The following STRBP variants were observed in gnomAD, a reference collection of about 807,000 sequenced individuals.
STRBP encodes the protein spermatid perinuclear RNA-binding protein.
In STRBP, 13 loss-of-function variants were observed where a neutral mutation model predicts 80.1. The observed-to-expected ratio is 0.16, with a 90% confidence interval of 0.11 to 0.26. STRBP has a LOEUF of 0.26. Ranked by LOEUF, STRBP falls within the 10% of genes least tolerant of loss-of-function variation. The pLI, the probability that STRBP is intolerant of heterozygous loss-of-function variation, is 1.00. For missense variants in STRBP, 485 were observed against 815.2 expected, an observed-to-expected ratio of 0.59 and a Z score of 4.93; for synonymous variants, 284 against 291.2, an observed-to-expected ratio of 0.98 and a Z score of 0.25.
At chr9:123,187,972 G>C (rs2038769373) in intron 2 of STRBP, among the ~76,000 whole-genome samples, 5 of 152,032 alleles carry the variant, frequency 3.3e-5, no homozygotes, top group African/African-American at 1.2e-4. Context: ...ATACAAAATA[G>C]TTTTAGTTTA....
intron 11 of STRBP, among the ~76,000 whole-genome samples, chr9:123,149,801 T>G (rs1239839990): frequency 3.9e-5 from 6 of 152,180 alleles, no homozygotes; most frequent in Admixed American, 2.6e-4. Flanking sequence ...ACCTTTACTG[T>G]CCCCATTATA....
At chr9:123,242,033 TA>T (rs2040705246) in intron 1 of STRBP, among the ~76,000 whole-genome samples, 1 of 152,196 alleles carries the variant, frequency 6.6e-6, no homozygotes, top group Non-Finnish European at 1.5e-5. Context: ...GCTGTTCCAC[TA>T]GCTGTTCCCT....
intron 9 of STRBP, among the ~76,000 whole-genome samples, 178 bp from the exon 10 acceptor site, chr9:123,158,607 G>GT (rs1293631259): frequency 2.6e-5 from 4 of 152,074 alleles, no homozygotes; most frequent in African/African-American, 4.8e-5. Context: ...TTTTCAACAT[G>GT]TTAGCACTTG....
In STRBP at chr9:123,136,726, C is replaced by G. The variant is rs753794913; in HGVS notation, c.1498-211G>C. On this transcript the variant is annotated intron_variant, in intron 14 of 18. Coordinates refer to ENST00000348403, the MANE Select transcript of STRBP (RefSeq NM_018387.5). The surrounding 1 kb of genome is among the most constrained non-coding windows in gnomAD (Gnocchi z 4.2). ...GTAAACATTGCAGTCATCTGGCCAG[C>G]CTTCCTTCGAAGCAGTATTCAAGAC... Among the ~76,000 whole-genome samples, 1 of 152,200 alleles carries G rather than the reference C, an allele frequency of 6.6e-6. No homozygotes were observed. The highest frequency in any genetic ancestry group is 1.5e-5 in the Non-Finnish European group (1 of 68,028).
intron 17 of STRBP, among the ~76,000 whole-genome samples, chr9:123,131,716 C>T (rs2036147144): frequency 6.6e-6 from 1 of 152,224 alleles, no homozygotes; most frequent in African/African-American, 2.4e-5. Context: ...CTACGTCTCA[C>T]CCTTCAGACT....
At chr9:123,226,529 A>C (rs1178372578) in intron 2 of STRBP, among the ~76,000 whole-genome samples, 3 of 152,214 alleles carry the variant, frequency 2.0e-5, no homozygotes, top group African/African-American at 7.2e-5. Flanking sequence ...AGAAAAGAGA[A>C]GATTGGGAAA....
chr9:123,233,414 G>A lies in STRBP; in HGVS notation c.-165+3416C>T, dbSNP rs182918115. Among the ~76,000 whole-genome samples, 17 of 152,306 alleles carry A rather than the reference G, an allele frequency of 1.1e-4. 1 individual carries two copies. The East Asian group carries it at 3.1e-3, about 28-fold the overall frequency. On this transcript the variant is annotated intron_variant, in intron 2 of 18. Transcript: ENST00000348403. ...TTTGAACTTTAAGAAGTGTTAACAA[G>A]TATCAAACTCCAGCTAATTATATGT...
chr9:123,156,678 CAA>C (rs75671540), intron 11 of STRBP, among the ~76,000 whole-genome samples: 79 of 88,680 alleles, frequency 8.9e-4, no homozygotes, highest in African/African-American at 2.9e-3. Context: ...AGAAAAAGGC[CAA>C]AAAAAAAAAA....
At chr9:123,220,557 T>C (rs1193360384) in intron 2 of STRBP, among the ~76,000 whole-genome samples, 4 of 152,338 alleles carry the variant, frequency 2.6e-5, no homozygotes, top group Non-Finnish European at 4.4e-5. Flanking sequence ...TATACAATAA[T>C]GTAAACAACT....
rs879891075 is a variant in STRBP at position 123,167,649 on chromosome 9, CA to C, written c.535+2252del. On this transcript the variant is annotated intron_variant, in intron 6 of 18. Transcript: ENST00000348403. ...CAGCAAAGCAAATCTTTCTGCCATT[CA>C]AAAAAAAAAAAGGAAGTAAGATGTG... Among the ~76,000 whole-genome samples, 560 of 138,168 alleles carry C rather than the reference CA, an allele frequency of 4.1e-3. 1 individual carries two copies. The highest frequency in any genetic ancestry group is 4.0e-3 in the African/African-American group (153 of 37,884). The allele number at this position is 138,168 out of a possible 152,430, so 90.6% of individuals were successfully genotyped here.
chr9:123,136,601 A>C lies in STRBP; in HGVS notation c.1498-86T>G. ...TATTAATACAATTATGCTAAGAAGG[A>C]GGCTCAAAAATTCTACTTCAAAGCA... On this transcript the variant is annotated intron_variant, in intron 14 of 18. Transcript: ENST00000348403. The surrounding 1 kb of genome is among the most constrained non-coding windows in gnomAD (Gnocchi z 4.2). 6.7e-7 allele frequency: 1 copy of C among 1,486,212 alleles called. No homozygotes were observed. The highest frequency in any genetic ancestry group is 9.0e-7 in the Non-Finnish European group (1 of 1,115,048). 92.1% of individuals were successfully genotyped at this position (1,486,212 alleles called of 1,614,324 possible). A position where few individuals can be genotyped will look rare whatever the true frequency, so the allele number is the denominator to read the frequency against.
intron 2 of STRBP, among the ~76,000 whole-genome samples, chr9:123,235,856 T>C (rs1025831306): frequency 2.0e-5 from 3 of 152,142 alleles, no homozygotes; most frequent in Non-Finnish European, 2.9e-5. Context: ...AGAAAAATAA[T>C]CAAAAATAAG....
chr9:123,260,175 GGGGAATAATGA>G (rs1176507775), intron 1 of STRBP, among the ~76,000 whole-genome samples: 4 of 152,224 alleles, frequency 2.6e-5, no homozygotes, highest in South Asian at 4.1e-4. Flanking sequence ...CCAGTAGACA[GGGGAATAATGA>G]TGTTGCAGGA....
chr9:123,233,929 G>C (rs540138740), intron 2 of STRBP, among the ~76,000 whole-genome samples: 1 of 152,156 alleles, frequency 6.6e-6, no homozygotes, highest in African/African-American at 2.4e-5. Context: ...GGCCGGGCGC[G>C]GTGGCTCACG....
chr9:123,202,461 C>G (rs183219476), intron 2 of STRBP, among the ~76,000 whole-genome samples: 7 of 152,168 alleles, frequency 4.6e-5, no homozygotes, highest in Non-Finnish European at 7.3e-5. Flanking sequence ...CCTTCATTTA[C>G]AAAACTTAGT....
chr9:123,122,440 T>TAAAAAAAAAA lies in STRBP; in HGVS notation c.*3147_*3156dup, dbSNP rs59308998. ...TGATTTTCAAACATTCACCCAAAAT[T>TAAAAAAAAAA]AAAAAAAAAAAAAAAAAGAAAAGGC... On this transcript the variant is annotated 3_prime_UTR_variant, in exon 19 of 19. Coordinates refer to ENST00000348403, the MANE Select transcript of STRBP (RefSeq NM_018387.5). The TAAAAAAAAAA allele has an allele frequency of 1.3e-6, 1 of 759,090 alleles. No individual in the cohort carries two copies. Among genetic ancestry groups the TAAAAAAAAAA allele is most frequent in the Non-Finnish European group, 1.7e-6 (1 of 583,172 alleles). 47.0% of individuals were successfully genotyped at this position (759,090 alleles called of 1,614,324 possible).
intron 2 of STRBP, among the ~76,000 whole-genome samples, chr9:123,234,645 C>G (rs2040497690): frequency 6.6e-6 from 1 of 152,068 alleles, no homozygotes; most frequent in Non-Finnish European, 1.5e-5. Flanking sequence ...TATAAAGTGC[C>G]TAGTCTCAGC....
intron 1 of STRBP, among the ~76,000 whole-genome samples, chr9:123,260,211 A>G (rs1359379141): frequency 6.6e-6 from 1 of 152,232 alleles, no homozygotes; most frequent in Non-Finnish European, 1.5e-5. Flanking sequence ...GAGAGACATC[A>G]TTTCAGCTGT....
intron 1 of STRBP, among the ~76,000 whole-genome samples, chr9:123,241,503 T>C (rs2132607571): frequency 6.6e-6 from 1 of 151,816 alleles, no homozygotes; most frequent in South Asian, 2.1e-4. Flanking sequence ...AGCAAGACCT[T>C]GTCAACCCGC....
Sources: allele counts gnomAD v4.1 joint callset (sites outside exome capture counted in the v4.1 genomes callset), GRCh38; gene constraint gnomAD v4.1.1; non-coding constraint Gnocchi (gnomAD v3.1); transcripts MANE v1.5; gene names NCBI Gene and HGNC (gene_info 2026-07-23, HGNC 2026-07-21).